The following CATSPERE variants were observed in gnomAD, a reference collection of about 807,000 sequenced individuals.
CATSPERE encodes the protein catsper channel auxiliary subunit epsilon.
In CATSPERE, 93 loss-of-function variants were observed where a neutral mutation model predicts 114.1. That is an observed-to-expected ratio of 0.81 (90% CI 0.69 to 0.97). CATSPERE has a LOEUF of 0.97. Ranked by LOEUF, CATSPERE falls within the 50% of genes least tolerant of loss-of-function variation. The pLI is 0.00. For missense variants in CATSPERE, 1,058 were observed against 1,131.6 expected, an observed-to-expected ratio of 0.93 and a Z score of 0.93; for synonymous variants, 341 against 384.1, an observed-to-expected ratio of 0.89 and a Z score of 1.31.
At chr1:244,583,823 T>C in intron 12 of CATSPERE, 41 bp from the exon 13 acceptor site, 3 of 1,577,064 alleles carry the variant, frequency 1.9e-6, no homozygotes, top group Non-Finnish European at 2.6e-6. Context: ...CATGCCTGTC[T>C]CTCACATGAT....
At chr1:244,474,244 AG>A (rs1203334551) in intron 2 of CATSPERE, among the ~76,000 whole-genome samples, 1 of 152,096 alleles carries the variant, frequency 6.6e-6, no homozygotes, top group Non-Finnish European at 1.5e-5. Context: ...CATGTTGGCC[AG>A]GGTGGTCTCG....
chr1:244,565,584 G>C (rs1663319746), intron 10 of CATSPERE, among the ~76,000 whole-genome samples: 1 of 152,080 alleles, frequency 6.6e-6, no homozygotes, highest in African/African-American at 2.4e-5. Context: ...GGGATCAGTG[G>C]TGATATCCCC....
At chr1:244,577,596 T>C (rs1665480579) in intron 11 of CATSPERE, among the ~76,000 whole-genome samples, 1 of 152,206 alleles carries the variant, frequency 6.6e-6, no homozygotes, top group African/African-American at 2.4e-5. Context: ...GTCTTTTCAC[T>C]GTGTCCTCAC....
At chr1:244,500,157 G>T (rs1384044968) in intron 7 of CATSPERE, among the ~76,000 whole-genome samples, 1 of 152,032 alleles carries the variant, frequency 6.6e-6, no homozygotes, top group Non-Finnish European at 1.5e-5. Flanking sequence ...TTTGAGAAGT[G>T]CCTGCTTATA....
chr1:244,546,031 T>C (rs1162066313), intron 8 of CATSPERE, among the ~76,000 whole-genome samples: 1 of 152,208 alleles, frequency 6.6e-6, no homozygotes, highest in African/African-American at 2.4e-5. Context: ...ATAGACCCTT[T>C]CTGGGCACCC....
At chr1:244,473,452 C>T (rs1374166283) in intron 2 of CATSPERE, among the ~76,000 whole-genome samples, 2 of 152,008 alleles carry the variant, frequency 1.3e-5, no homozygotes, top group South Asian at 2.1e-4. Flanking sequence ...GATGGGTTTT[C>T]GTTTCCTTGT....
At chr1:244,600,027 A>T (rs1255499080) in intron 17 of CATSPERE, among the ~76,000 whole-genome samples, 1 of 152,224 alleles carries the variant, frequency 6.6e-6, no homozygotes, top group East Asian at 1.9e-4. Flanking sequence ...GAAATGAGTC[A>T]TTCTGATTAT....
rs773966734 is a variant in CATSPERE at position 244,560,901 on chromosome 1, A to T, written c.1263A>T (p.Leu421Phe). 6.2e-7 allele frequency: 1 copy of T among 1,614,044 alleles called. No homozygotes were observed. ...TVCNVTKKIF[L>F]VIYNEDTKQW... is the part of the protein sequence containing the mutation. ...GTAACGTCACCAAAAAGATTTTCTT[A>T]GTGATATATAATGAAGATACAAAAC... The change falls in exon 10 of 22, where the codon TTA (leucine) becomes TTT (phenylalanine). Residue 421 changes from leucine (L) to phenylalanine (F), a missense_variant. Transcript: ENST00000366534.
In CATSPERE at chr1:244,461,428, C is replaced by G; in HGVS notation, c.-2C>G. Reference sequence around the variant, plus strand: ...CGGTTGGGCGGAGGCGGAGCAGGCGCCATGTCAGCCCGGGAAGTGGCCGTG... The same window carrying G: ...CGGTTGGGCGGAGGCGGAGCAGGCGGCATGTCAGCCCGGGAAGTGGCCGTG... On this transcript the variant is annotated 5_prime_UTR_variant, in exon 1 of 22. Coordinates refer to ENST00000366534, the MANE Select transcript of CATSPERE (RefSeq NM_001130957.2). 2 of 1,377,862 alleles carry G rather than the reference C, an allele frequency of 1.5e-6. No individual in the cohort carries two copies. Among genetic ancestry groups the G allele is most frequent in the Non-Finnish European group, 1.9e-6 (2 of 1,055,630 alleles). 85.4% of individuals were successfully genotyped at this position (1,377,862 alleles called of 1,614,324 possible).
At chr1:244,475,244 CT>C (rs36095839) in intron 2 of CATSPERE, among the ~76,000 whole-genome samples, 44,682 of 144,906 alleles carry the variant, frequency 0.31, 7,075 homozygotes, top group East Asian at 0.51. Flanking sequence ...TATCTAGAGA[CT>C]TTTTTTTTTT....
In CATSPERE at chr1:244,552,221, T is replaced by G. The variant is rs886421906; in HGVS notation, c.537-101T>G. On this transcript the variant is annotated intron_variant, in intron 8 of 21. Transcript: ENST00000366534. ...TTATTTGTCTTATCCAGATTTGTAT[T>G]GATAAAAATTAAAAATGTTTTAAAG... The G allele has an allele frequency of 2.8e-6, 4 of 1,404,400 alleles. No homozygotes were observed. The African/African-American group carries it at 4.4e-5, about 15-fold the overall frequency. 87.0% of individuals were successfully genotyped at this position (1,404,400 alleles called of 1,614,324 possible).
At chr1:244,544,155 C>T (rs979516898) in intron 8 of CATSPERE, among the ~76,000 whole-genome samples, 8 of 152,130 alleles carry the variant, frequency 5.3e-5, no homozygotes, top group Non-Finnish European at 7.4e-5. Context: ...GTGGCTGCAT[C>T]CTCTTCAGGA....
At chr1:244,603,152 C>A (rs1421679018) in intron 17 of CATSPERE, among the ~76,000 whole-genome samples, 1 of 152,118 alleles carries the variant, frequency 6.6e-6, no homozygotes, top group Non-Finnish European at 1.5e-5. Context: ...AATAAAGAAC[C>A]CCCTTTCATA....
intron 3 of CATSPERE, 106 bp downstream of exon 3, chr1:244,477,720 A>T (rs1669588046): frequency 4.0e-6 from 4 of 996,978 alleles, no homozygotes; most frequent in Admixed American, 2.3e-5. Context: ...ATTTTCTTTC[A>T]TTAAGTAGAT....
intron 8 of CATSPERE, among the ~76,000 whole-genome samples, chr1:244,548,824 G>A (rs571122589): frequency 1.3e-5 from 2 of 152,122 alleles, no homozygotes; most frequent in African/African-American, 2.4e-5. Context: ...ATATGGTGTT[G>A]TTTTTCTGAT....
At position 244,546,488 on chromosome 1, in the gene CATSPERE, C is replaced by T. The variant is rs187654985; in HGVS notation, c.537-5834C>T. Among the ~76,000 whole-genome samples, 466 of 152,326 alleles carry T rather than the reference C, an allele frequency of 3.1e-3. 6 individuals carry two copies. Among genetic ancestry groups the T allele is most frequent in the African/African-American group, 0.011 (447 of 41,576 alleles). On this transcript the variant is annotated intron_variant, in intron 8 of 21. Transcript: ENST00000366534. The stretch of plus-strand genomic sequence containing the variant: ...AATGGACAAAATAAAGTGCCAATGA[C>T]TGGCCCTAAAGAGATAGAGATGTAT...
chr1:244,581,891 A>T, intron 12 of CATSPERE, 37 bp downstream of exon 12: 2 of 908,832 alleles, frequency 2.2e-6, no homozygotes, highest in Non-Finnish European at 3.4e-6. Flanking sequence ...CTCAGTATCA[A>T]ATATGCTACT....
At chr1:244,451,832 G>C (rs1484836302), upstream of CATSPERE, 14 of 1,567,972 alleles carry the variant, frequency 8.9e-6, no homozygotes, top group African/African-American at 1.5e-4. The surrounding 1 kb of genome is among the most constrained non-coding windows in gnomAD (Gnocchi z 6.6). Flanking sequence ...CCAGTGACGC[G>C]AGGAGAGCCC....
intron 21 of CATSPERE, among the ~76,000 whole-genome samples, chr1:244,637,356 C>T (rs780753893): frequency 2.6e-5 from 4 of 152,112 alleles, no homozygotes; most frequent in African/African-American, 7.2e-5. Flanking sequence ...CATCAGTGTT[C>T]GCATCCAGCA....
Sources: allele counts gnomAD v4.1 joint callset (sites outside exome capture counted in the v4.1 genomes callset), GRCh38; gene constraint gnomAD v4.1.1; non-coding constraint Gnocchi (gnomAD v3.1); transcripts MANE v1.5; gene names NCBI Gene and HGNC (gene_info 2026-07-23, HGNC 2026-07-21).